The following PTPRD variants were observed in gnomAD, a reference collection of about 807,000 sequenced individuals.
PTPRD encodes the protein receptor-type tyrosine-protein phosphatase delta.
PTPRD carries 34 observed loss-of-function variants against 214.5 expected under a neutral mutation model. The observed-to-expected ratio is 0.16, with a 90% confidence interval of 0.12 to 0.21. The LOEUF is 0.21. Ranked by LOEUF, PTPRD falls within the 10% of genes least tolerant of loss-of-function variation. The probability of loss-of-function intolerance (pLI) is 1.00; values close to 1 mark genes in which losing one functional copy is unlikely to be tolerated. For synonymous variants in PTPRD, 1,128 were observed against 845.7 expected (o/e 1.33, Z -5.79); for missense variants, 2,545 against 2,398.7 (o/e 1.06, Z -1.27).
At chr9:9,867,275 T>C (rs2064217194) in intron 5 of PTPRD, among the ~76,000 whole-genome samples, 1 of 152,148 alleles carries the variant, frequency 6.6e-6, no homozygotes, top group Non-Finnish European at 1.5e-5. Context: ...ATTCTGCTTT[T>C]TAAATGGGAG....
At position 8,688,564 on chromosome 9, in the gene PTPRD, C is replaced by CAA. The variant is rs547442943; in HGVS notation, c.64+45214_64+45215dup. ...TGGGCGATAGAGCGAGACTCTGTCT[C>CAA]AAAAAAAAAAAAAAAGAAAAAAATA... On this transcript the variant is annotated intron_variant, in intron 12 of 45. Coordinates refer to ENST00000381196, the MANE Select transcript of PTPRD (RefSeq NM_002839.4). Among the ~76,000 whole-genome samples the CAA allele has an allele frequency of 4.0e-3, 304 of 75,930 alleles. 1 individual carries two copies. Among genetic ancestry groups the CAA allele is most frequent in the African/African-American group, 0.015 (250 of 16,912 alleles). 49.8% of individuals were successfully genotyped at this position (75,930 alleles called of 152,430 possible). A position where few individuals can be genotyped will look rare whatever the true frequency, so the allele number is the denominator to read the frequency against.
intron 24 of PTPRD, among the ~76,000 whole-genome samples, chr9:8,500,549 G>GA (rs796324584): frequency 0.023 from 232 of 10,048 alleles, no homozygotes; most frequent in Middle Eastern, 0.11. Context: ...CATTGAGATT[G>GA]AAAAAAATGA....
chr9:9,635,513 C>A (rs1014931442), intron 7 of PTPRD, among the ~76,000 whole-genome samples: 10 of 152,134 alleles, frequency 6.6e-5, no homozygotes, highest in African/African-American at 2.4e-4. Context: ...ATTCTGGGGA[C>A]TGTGATGAGC....
intron 11 of PTPRD, among the ~76,000 whole-genome samples, chr9:9,009,692 G>A (rs1242917671): frequency 6.6e-6 from 1 of 152,014 alleles, no homozygotes; most frequent in Non-Finnish European, 1.5e-5. Context: ...TGTATCTGTG[G>A]ATAAAACTGG....
chr9:9,507,748 T>C (rs1206989095), intron 8 of PTPRD, among the ~76,000 whole-genome samples: 1 of 151,474 alleles, frequency 6.6e-6, no homozygotes, highest in Admixed American at 6.6e-5. Context: ...TCTTAGTGTA[T>C]GTAACACTTA....
chr9:9,789,790 CTGTCTCAAAAA>C (rs1198008894), intron 5 of PTPRD, among the ~76,000 whole-genome samples: 25 of 71,766 alleles, frequency 3.5e-4, no homozygotes, highest in African/African-American at 1.9e-3. Flanking sequence ...GAGCCAAACT[CTGTCTCAAAAA>C]AAAAAAAAAA....
At chr9:8,810,650 C>T (rs960240394) in intron 11 of PTPRD, among the ~76,000 whole-genome samples, 2 of 152,168 alleles carry the variant, frequency 1.3e-5, no homozygotes, top group African/African-American at 2.4e-5. Flanking sequence ...AAGTAGAGAT[C>T]TGAATTTTTA....
chr9:8,770,133 T>A (rs1001556386), intron 11 of PTPRD, among the ~76,000 whole-genome samples: 2 of 151,770 alleles, frequency 1.3e-5, no homozygotes, highest in African/African-American at 2.4e-5. Context: ...AACACAAAAT[T>A]AGCCAGGCTT....
chr9:9,329,194 G>A (rs1243996268), intron 9 of PTPRD, among the ~76,000 whole-genome samples: 1 of 151,862 alleles, frequency 6.6e-6, no homozygotes, highest in Non-Finnish European at 1.5e-5. Context: ...ACAGAAACAG[G>A]ATAATATGGC....
chr9:9,481,548 A>C (rs1242377987), intron 8 of PTPRD, among the ~76,000 whole-genome samples: 1 of 152,178 alleles, frequency 6.6e-6, no homozygotes, highest in African/African-American at 2.4e-5. Context: ...TTTATTTAAA[A>C]TCAGAAGAAA....
intron 9 of PTPRD, among the ~76,000 whole-genome samples, chr9:9,213,538 T>TTGTC (rs2099950186): frequency 6.6e-6 from 1 of 152,122 alleles, no homozygotes; most frequent in South Asian, 2.1e-4. Flanking sequence ...GTTTGTTTGT[T>TTGTC]TTGATAATAG....
intron 9 of PTPRD, among the ~76,000 whole-genome samples, chr9:9,230,614 G>C (rs2099962490): frequency 6.6e-6 from 1 of 152,088 alleles, no homozygotes; most frequent in African/African-American, 2.4e-5. Context: ...ACTACATTTA[G>C]ATGATGTCAG....
chr9:9,608,891 A>AACACTT (rs1334432437), intron 7 of PTPRD, among the ~76,000 whole-genome samples: 3 of 152,178 alleles, frequency 2.0e-5, no homozygotes, highest in Non-Finnish European at 4.4e-5. Context: ...TGCAGTCTCC[A>AACACTT]ACACTTCATT....
intron 7 of PTPRD, among the ~76,000 whole-genome samples, chr9:9,680,314 C>G (rs947189851): frequency 1.3e-5 from 2 of 151,742 alleles, no homozygotes; most frequent in Non-Finnish European, 2.9e-5. Flanking sequence ...GAATCTAATT[C>G]ATATTTAAAT....
intron 2 of PTPRD, among the ~76,000 whole-genome samples, chr9:10,603,682 CA>C (rs2078548834): frequency 6.6e-6 from 1 of 151,788 alleles, no homozygotes; most frequent in East Asian, 1.9e-4. Flanking sequence ...TAGTGACTGG[CA>C]GATATGAAGC....
intron 8 of PTPRD, among the ~76,000 whole-genome samples, chr9:9,454,100 A>G (rs2092648212): frequency 6.6e-6 from 1 of 151,780 alleles, no homozygotes; most frequent in Non-Finnish European, 1.5e-5. Context: ...GTGTAAGACA[A>G]TGTTTACTAT....
intron 3 of PTPRD, among the ~76,000 whole-genome samples, chr9:10,170,487 C>T (rs1402113485): frequency 6.6e-6 from 1 of 151,976 alleles, no homozygotes; most frequent in Non-Finnish European, 1.5e-5. Context: ...GTCAGGAGAT[C>T]GGCTCCTGGC....
At chr9:8,768,390 A>C (rs2094928960) in intron 11 of PTPRD, among the ~76,000 whole-genome samples, 2 of 152,104 alleles carry the variant, frequency 1.3e-5, no homozygotes, top group African/African-American at 4.8e-5. Flanking sequence ...GTCTCTACAA[A>C]AATACAAAAC....
chr9:9,250,773 T>C (rs1415924561), intron 9 of PTPRD, among the ~76,000 whole-genome samples: 2 of 151,932 alleles, frequency 1.3e-5, no homozygotes, highest in Admixed American at 6.6e-5. Context: ...AAAAGAAATA[T>C]CAACAACAAC....
Sources: allele counts gnomAD v4.1 joint callset (sites outside exome capture counted in the v4.1 genomes callset), GRCh38; gene constraint gnomAD v4.1.1; transcripts MANE v1.5; gene names NCBI Gene and HGNC (gene_info 2026-07-23, HGNC 2026-07-21).